Variants in CAMK4 observed in about 807,000 individuals in gnomAD.
CAMK4 encodes the protein calcium/calmodulin-dependent protein kinase type IV.
In CAMK4, 22 loss-of-function variants were observed where a neutral mutation model predicts 44.9. The observed-to-expected ratio is 0.49, with a 90% CI of 0.35 to 0.70. The LOEUF is 0.70. Ranked by LOEUF, CAMK4 falls within the 30% of genes least tolerant of loss-of-function variation. The pLI is 0.01. For missense variants in CAMK4, 498 were observed against 586.8 expected, an observed-to-expected ratio of 0.85 and a Z score of 1.56; for synonymous variants, 218 against 215.4, an observed-to-expected ratio of 1.01 and a Z score of -0.11.
chr5:111,427,830 G>T (rs1340605513), intron 5 of CAMK4, among the ~76,000 whole-genome samples: 2 of 152,244 alleles, frequency 1.3e-5, no homozygotes, highest in South Asian at 2.1e-4. Flanking sequence ...TGAAGGGAAG[G>T]TTACAAGCCT....
intron 2 of CAMK4, among the ~76,000 whole-genome samples, chr5:111,349,654 G>C (rs1049909311): frequency 6.6e-6 from 1 of 151,956 alleles, no homozygotes; most frequent in African/African-American, 2.4e-5. Flanking sequence ...TGATGATGGA[G>C]TCTCTATTTC....
intron 7 of CAMK4, among the ~76,000 whole-genome samples, chr5:111,450,570 C>T (rs1272385164): frequency 1.6e-5 from 1 of 62,214 alleles, no homozygotes; most frequent in South Asian, 3.5e-4. Context: ...GGTGGATCAC[C>T]TGGGGTCAGG....
intron 5 of CAMK4, among the ~76,000 whole-genome samples, chr5:111,424,413 T>C (rs1753139988): frequency 1.3e-5 from 2 of 150,872 alleles, no homozygotes; most frequent in South Asian, 4.2e-4. Context: ...TAAGAATATA[T>C]GCATATATGC....
chr5:111,418,445 A>T (rs906110955), intron 5 of CAMK4, among the ~76,000 whole-genome samples: 2 of 150,216 alleles, frequency 1.3e-5, no homozygotes, highest in African/African-American at 4.9e-5. Context: ...GGAGACAGGG[A>T]TTTTTTTTTT....
At chr5:111,254,386 A>G (rs1045834839) in intron 1 of CAMK4, among the ~76,000 whole-genome samples, 5 of 152,198 alleles carry the variant, frequency 3.3e-5, no homozygotes, top group African/African-American at 1.2e-4. Flanking sequence ...CTGTGAGATG[A>G]TCCCAGATGT....
chr5:111,311,055 G>T (rs536306031), intron 1 of CAMK4, among the ~76,000 whole-genome samples: 1 of 152,104 alleles, frequency 6.6e-6, no homozygotes, highest in Non-Finnish European at 1.5e-5. Context: ...TTTTCAGAGA[G>T]AATGGTATTA....
chr5:111,374,334 T>A (rs1421905969), intron 2 of CAMK4, among the ~76,000 whole-genome samples: 1 of 152,152 alleles, frequency 6.6e-6, no homozygotes, highest in Non-Finnish European at 1.5e-5. Context: ...CTTGATTGTT[T>A]GAGCAAAATT....
intron 5 of CAMK4, among the ~76,000 whole-genome samples, chr5:111,396,866 C>G (rs1240176808): frequency 2.0e-5 from 3 of 151,930 alleles, no homozygotes; most frequent in African/African-American, 7.3e-5. Context: ...ACCTCGAACT[C>G]CTGACCTCAG....
chr5:111,482,883 C>T lies in CAMK4; in HGVS notation c.927C>T (p.His309=). The T allele has an allele frequency of 1.2e-6, 2 of 1,613,318 alleles. No individual in the cohort carries two copies. Among genetic ancestry groups the T allele is most frequent in the Non-Finnish European group, 1.7e-6 (2 of 1,179,604 alleles). Residue 309 remains histidine (H), a synonymous_variant, in exon 10 of 11, where the codon CAC becomes CAT. Transcript: ENST00000282356. The surrounding 1 kb of genome is among the most constrained non-coding windows in gnomAD (Gnocchi z 4.9). ...WVTGKAANFV[H]MDTAQKKLQE... ...CAGGTAAAGCAGCCAATTTTGTACA[C>T]ATGGATACCGCTCAAAAGAAGCTCC...
At chr5:111,327,583 C>G (rs1201253437) in intron 1 of CAMK4, among the ~76,000 whole-genome samples, 4 of 152,028 alleles carry the variant, frequency 2.6e-5, no homozygotes, top group Admixed American at 1.3e-4. Context: ...GGAATCGCCA[C>G]ACTGACTTCC....
intron 7 of CAMK4, among the ~76,000 whole-genome samples, chr5:111,469,736 T>C (rs115567325): frequency 0.011 from 1,718 of 152,138 alleles, 37 homozygotes; most frequent in African/African-American, 0.039. Flanking sequence ...GCAGAAGAAA[T>C]GAGAAATGCA....
chr5:111,457,219 GTACTT>G (rs960280500), intron 7 of CAMK4, among the ~76,000 whole-genome samples: 1 of 152,138 alleles, frequency 6.6e-6, no homozygotes, highest in Non-Finnish European at 1.5e-5. Flanking sequence ...AAATTTAAGA[GTACTT>G]TATTAAAAAT....
chr5:111,362,074 C>T (rs1202985799), intron 2 of CAMK4, among the ~76,000 whole-genome samples: 1 of 152,040 alleles, frequency 6.6e-6, no homozygotes, highest in Non-Finnish European at 1.5e-5. Flanking sequence ...AGGAAAGGCA[C>T]TGACATTTAG....
chr5:111,225,021 G>A (rs1042278883), intron 1 of CAMK4, among the ~76,000 whole-genome samples: 2 of 152,194 alleles, frequency 1.3e-5, no homozygotes, highest in African/African-American at 4.8e-5. Context: ...GGTGGGGGCC[G>A]GAGGGTGCCC....
At chr5:111,453,453 T>TGC (rs1198863707) in intron 7 of CAMK4, among the ~76,000 whole-genome samples, 2 of 152,204 alleles carry the variant, frequency 1.3e-5, no homozygotes, top group African/African-American at 2.4e-5. Flanking sequence ...GATACTCTCA[T>TGC]CAGTCTGGCA....
chr5:111,411,318 A>G (rs917571890), intron 5 of CAMK4, among the ~76,000 whole-genome samples: 3 of 152,220 alleles, frequency 2.0e-5, no homozygotes, highest in African/African-American at 4.8e-5. Context: ...CAAAGCTTGG[A>G]CTTTAAGTCT....
intron 7 of CAMK4, among the ~76,000 whole-genome samples, chr5:111,464,378 G>T (rs1754750697): frequency 1.3e-5 from 2 of 152,120 alleles, no homozygotes; most frequent in Admixed American, 6.5e-5. Flanking sequence ...TGTTTCTAAG[G>T]AAGAAGAAAA....
intron 5 of CAMK4, among the ~76,000 whole-genome samples, chr5:111,440,017 G>A (rs1278337181): frequency 6.6e-6 from 1 of 152,186 alleles, no homozygotes; most frequent in Non-Finnish European, 1.5e-5. Flanking sequence ...TCAGGAAATT[G>A]GCTGACTAGA....
At chr5:111,239,930 G>A (rs1226137020) in intron 1 of CAMK4, among the ~76,000 whole-genome samples, 1 of 152,082 alleles carries the variant, frequency 6.6e-6, no homozygotes, top group Non-Finnish European at 1.5e-5. Flanking sequence ...CTTTACCCAG[G>A]GGTAGTACAT....
Sources: gnomAD v4.1 joint callset for allele counts (sites outside exome capture counted in the v4.1 genomes callset) on GRCh38, gnomAD v4.1.1 for gene constraint, Gnocchi (gnomAD v3.1) non-coding constraint, MANE v1.5 for transcripts, NCBI Gene and HGNC (gene_info 2026-07-23, HGNC 2026-07-21) for gene names.